Variants in SH3PXD2A observed in about 807,000 individuals in gnomAD.
The protein encoded by SH3PXD2A is SH3 and PX domain-containing protein 2A.
A neutral mutation model predicts 115.2 loss-of-function variants in SH3PXD2A; 32 were observed. That is an observed-to-expected ratio of 0.28 (90% CI 0.21 to 0.37). SH3PXD2A has a LOEUF of 0.37. Among genes scored for constraint, SH3PXD2A ranks in the 10% least tolerant of loss-of-function variants. The pLI, the probability that SH3PXD2A is intolerant of heterozygous loss-of-function variation, is 1.00. For synonymous variants in SH3PXD2A, 610 were observed against 629.1 expected (o/e 0.97, Z 0.45); for missense variants, 1,328 against 1,498.7 (o/e 0.89, Z 1.88).
At chr10:103,669,566 T>C (rs1290694105) in intron 6 of SH3PXD2A, among the ~76,000 whole-genome samples, 1 of 152,234 alleles carries the variant, frequency 6.6e-6, no homozygotes, top group Non-Finnish European at 1.5e-5. Context: ...CAGTGACTCA[T>C]TTAGTCCCCA....
intron 8 of SH3PXD2A, among the ~76,000 whole-genome samples, chr10:103,629,179 C>T (rs964450450): frequency 2.6e-5 from 4 of 152,162 alleles, no homozygotes; most frequent in African/African-American, 9.7e-5. Flanking sequence ...TGGGCATCAT[C>T]GGCAGGCTGG....
chr10:103,729,820 C>T (rs1466312663), intron 4 of SH3PXD2A, among the ~76,000 whole-genome samples: 2 of 152,190 alleles, frequency 1.3e-5, no homozygotes, highest in African/African-American at 2.4e-5. Context: ...CCAGTTTCCC[C>T]ATTTCCAGTC....
chr10:103,661,146 G>C (rs1214707827), intron 7 of SH3PXD2A, 32 bp from the exon 8 acceptor site: 4 of 1,607,110 alleles, frequency 2.5e-6, no homozygotes, highest in Non-Finnish European at 2.5e-6. Flanking sequence ...CGGTGAGCCA[G>C]CGGCCAGCCA....
chr10:103,825,160 C>A (rs1251950453), intron 1 of SH3PXD2A, among the ~76,000 whole-genome samples: 1 of 152,154 alleles, frequency 6.6e-6, no homozygotes, highest in African/African-American at 2.4e-5. Context: ...GAATGCATCC[C>A]TAGGATTTGG....
At chr10:103,722,762 G>A (rs2038197670) in intron 5 of SH3PXD2A, among the ~76,000 whole-genome samples, 1 of 152,146 alleles carries the variant, frequency 6.6e-6, no homozygotes, top group Admixed American at 6.6e-5. Context: ...CAGCAGAACT[G>A]GGACGTGAAC....
chr10:103,645,759 G>A (rs1349417944), intron 8 of SH3PXD2A, among the ~76,000 whole-genome samples: 1 of 152,152 alleles, frequency 6.6e-6, no homozygotes, highest in African/African-American at 2.4e-5. Flanking sequence ...CTCATCCAGG[G>A]ACCACAAACA....
Position 103,601,781 on chromosome 10 carries a change from A to G in SH3PXD2A, c.*35T>C. On this transcript the variant is annotated 3_prime_UTR_variant, in exon 15 of 15. Transcript: ENST00000369774. ...CCGCTCATCCAGTGGGCGGCCAGAGAGGCACACTGAGGCTGGAAGAGCCCA... is the reference window on the plus strand; with the variant it reads ...CCGCTCATCCAGTGGGCGGCCAGAGGGGCACACTGAGGCTGGAAGAGCCCA... 1 of 1,372,740 alleles carries G rather than the reference A, an allele frequency of 7.3e-7. No homozygotes were observed. The allele number at this position is 1,372,740 out of a possible 1,614,324, so 85.0% of individuals were successfully genotyped here.
intron 2 of SH3PXD2A, among the ~76,000 whole-genome samples, chr10:103,799,332 A>C (rs569289228): frequency 1.3e-5 from 2 of 152,396 alleles, no homozygotes; most frequent in East Asian, 3.9e-4. Flanking sequence ...TCATCATGGC[A>C]GGTAAAATGG....
chr10:103,682,023 C>A (rs2037616993), intron 6 of SH3PXD2A, among the ~76,000 whole-genome samples: 2 of 152,388 alleles, frequency 1.3e-5, no homozygotes, highest in Admixed American at 1.3e-4. Context: ...CAAGATTCTG[C>A]AGTTCACTTT....
At chr10:103,668,778 C>T in intron 6 of SH3PXD2A, 126 bp from the exon 7 acceptor site, 3 of 825,534 alleles carry the variant, frequency 3.6e-6, no homozygotes, top group Non-Finnish European at 4.1e-6. Context: ...GGGCGGAAGG[C>T]GGAGGAGGGA....
chr10:103,811,689 T>G (rs951883000), intron 1 of SH3PXD2A, among the ~76,000 whole-genome samples: 1 of 152,202 alleles, frequency 6.6e-6, no homozygotes, highest in Non-Finnish European at 1.5e-5. Context: ...CTCTGTCAGT[T>G]GGTGACAGAG....
intron 3 of SH3PXD2A, among the ~76,000 whole-genome samples, chr10:103,750,273 G>A (rs1385348499): frequency 2.0e-5 from 3 of 152,066 alleles, no homozygotes; most frequent in Admixed American, 6.6e-5. Flanking sequence ...GGCTGGTCTC[G>A]AACTCCCAGG....
At chr10:103,828,858 C>T (rs767475406) in intron 1 of SH3PXD2A, among the ~76,000 whole-genome samples, 39 of 152,188 alleles carry the variant, frequency 2.6e-4, no homozygotes, top group African/African-American at 7.7e-4. Context: ...GGGTGAGCCA[C>T]GATACATACG....
intron 3 of SH3PXD2A, among the ~76,000 whole-genome samples, chr10:103,755,956 G>A (rs1369096607): frequency 6.6e-6 from 1 of 152,202 alleles, no homozygotes; most frequent in Non-Finnish European, 1.5e-5. Context: ...GGTAGAGAAA[G>A]GCGAGGCTGC....
At chr10:103,618,741 C>T (rs1429238958) in intron 10 of SH3PXD2A, among the ~76,000 whole-genome samples, 1 of 152,212 alleles carries the variant, frequency 6.6e-6, no homozygotes, top group Non-Finnish European at 1.5e-5. Context: ...CCTCTGGTCT[C>T]TGGGACACCC....
chr10:103,842,414 GTTC>G (rs1264762567), intron 1 of SH3PXD2A, among the ~76,000 whole-genome samples: 1 of 152,148 alleles, frequency 6.6e-6, no homozygotes, highest in Non-Finnish European at 1.5e-5. Context: ...GAACATTCCA[GTTC>G]TTCTAGTTAC....
intron 6 of SH3PXD2A, among the ~76,000 whole-genome samples, chr10:103,687,379 T>G (rs570256823): frequency 1.3e-5 from 2 of 152,058 alleles, no homozygotes; most frequent in South Asian, 4.1e-4. Context: ...ACAGAACAGG[T>G]GAGATAATCT....
At chr10:103,700,492 T>C (rs952250807) in intron 5 of SH3PXD2A, among the ~76,000 whole-genome samples, 4 of 152,198 alleles carry the variant, frequency 2.6e-5, no homozygotes, top group Admixed American at 1.3e-4. Context: ...CCTGGCTCTG[T>C]CACTCAGGGC....
intron 8 of SH3PXD2A, among the ~76,000 whole-genome samples, chr10:103,655,645 C>T (rs993038939): frequency 1.3e-4 from 19 of 151,842 alleles, no homozygotes; most frequent in African/African-American, 2.4e-4. Context: ...TGGTGGTGCA[C>T]GCCTGTAATC....
Sources: gnomAD v4.1 joint callset for allele counts (sites outside exome capture counted in the v4.1 genomes callset) on GRCh38, gnomAD v4.1.1 for gene constraint, MANE v1.5 for transcripts, NCBI Gene and HGNC (gene_info 2026-07-23, HGNC 2026-07-21) for gene names.